The following SCUBE1 variants were observed in gnomAD, a reference collection of about 807,000 sequenced individuals.
SCUBE1 encodes signal peptide, CUB domain and EGF like domain containing 1.
SCUBE1 carries 59 observed loss-of-function variants against 124.4 expected under a neutral mutation model. The ratio of observed to expected loss-of-function variants is 0.47; its 90% confidence interval spans 0.38 to 0.59. SCUBE1 has a LOEUF of 0.59. Ranked by LOEUF, SCUBE1 falls within the 20% of genes least tolerant of loss-of-function variation. The pLI is 0.00. For missense variants in SCUBE1, 1,150 were observed against 1,371.2 expected, an observed-to-expected ratio of 0.84 and a Z score of 2.55; for synonymous variants, 545 against 550.9, an observed-to-expected ratio of 0.99 and a Z score of 0.15.
intron 6 of SCUBE1, among the ~76,000 whole-genome samples, chr22:43,244,227 C>T (rs889850039): frequency 6.6e-6 from 1 of 152,196 alleles, no homozygotes; most frequent in Non-Finnish European, 1.5e-5. Context: ...CCCCCTTGGC[C>T]TTGAATAACC....
At chr22:43,290,751 C>G (rs905992680) in intron 4 of SCUBE1, among the ~76,000 whole-genome samples, 1 of 152,222 alleles carries the variant, frequency 6.6e-6, no homozygotes. Context: ...CTCTTCCTGG[C>G]CACAGCCAGC....
intron 20 of SCUBE1, 128 bp downstream of exon 20, chr22:43,207,944 C>G (rs1015701524): frequency 1.9e-6 from 2 of 1,080,016 alleles, no homozygotes; most frequent in Non-Finnish European, 2.8e-6. Flanking sequence ...TGACAGTGTT[C>G]GTTCTGCTTC....
In SCUBE1 at chr22:43,202,346, C is replaced by G. The variant is rs1921039877; in HGVS notation, c.*1651G>C. ...TGGGCCCGGGGGTGACCAGGAGGAACCCTAGAGGCAACTTCGAGCTGAAGA... is the reference window on the plus strand; with the variant it reads ...TGGGCCCGGGGGTGACCAGGAGGAAGCCTAGAGGCAACTTCGAGCTGAAGA... On this transcript the variant is annotated 3_prime_UTR_variant, in exon 22 of 22. Coordinates refer to ENST00000360835, the MANE Select transcript of SCUBE1 (RefSeq NM_173050.5). 6.6e-6 allele frequency: 1 copy of G among 152,338 alleles called. No homozygotes were observed. The highest frequency in any genetic ancestry group is 1.9e-4 in the East Asian group (1 of 5,192). 9.4% of individuals were successfully genotyped at this position (152,338 alleles called of 1,614,324 possible).
chr22:43,238,790 G>T, intron 7 of SCUBE1, 48 bp downstream of exon 7: 3 of 1,481,498 alleles, frequency 2.0e-6, no homozygotes, highest in African/African-American at 1.4e-5. Context: ...GGAGGCTCTT[G>T]GCCAGGCCAG....
intron 4 of SCUBE1, 51 bp from the exon 5 acceptor site, chr22:43,262,896 G>T: frequency 6.3e-7 from 1 of 1,584,798 alleles, no homozygotes. Context: ...CAGAGAGGGA[G>T]AGAGAAAATT....
At chr22:43,298,817 C>T (rs1395469199) in intron 3 of SCUBE1, among the ~76,000 whole-genome samples, 1 of 152,166 alleles carries the variant, frequency 6.6e-6, no homozygotes, top group East Asian at 1.9e-4. Flanking sequence ...CTTTGGGAGG[C>T]TGAGGCGGGC....
At chr22:43,323,497 C>T (rs1601891256) in intron 2 of SCUBE1, among the ~76,000 whole-genome samples, 1 of 152,170 alleles carries the variant, frequency 6.6e-6, no homozygotes, top group African/African-American at 2.4e-5. Flanking sequence ...AATGTTCACC[C>T]ATACATCCAG....
chr22:43,268,574 CCA>C (rs1238675578), intron 4 of SCUBE1, among the ~76,000 whole-genome samples: 1 of 152,260 alleles, frequency 6.6e-6, no homozygotes, highest in African/African-American at 2.4e-5. Flanking sequence ...TGCTCTGCTG[CCA>C]CAGTGTCAGG....
At chr22:43,213,385 G>C (rs1420685700) in intron 16 of SCUBE1, 1 of 152,202 alleles carries the variant, frequency 6.6e-6, no homozygotes, top group Non-Finnish European at 1.5e-5. Flanking sequence ...GAGAAAGCTG[G>C]AGGTCTCCAG....
chr22:43,310,132 C>T (rs532213279), intron 3 of SCUBE1, among the ~76,000 whole-genome samples: 6 of 152,272 alleles, frequency 3.9e-5, no homozygotes, highest in African/African-American at 9.6e-5. Context: ...CGGCCCGCCT[C>T]GTTGCCTCAT....
chr22:43,249,221 G>A (rs1219277052), intron 6 of SCUBE1, among the ~76,000 whole-genome samples: 2 of 151,996 alleles, frequency 1.3e-5, no homozygotes, highest in Non-Finnish European at 2.9e-5. Context: ...GTGAATGTGC[G>A]GGGTGGGGAC....
intron 21 of SCUBE1, among the ~76,000 whole-genome samples, chr22:43,206,064 CCT>C (rs2146648623): frequency 6.9e-6 from 1 of 143,910 alleles, no homozygotes; most frequent in Non-Finnish European, 1.5e-5. Flanking sequence ...CACCACACAC[CCT>C]CACCTCCATC....
intron 21 of SCUBE1, among the ~76,000 whole-genome samples, chr22:43,207,197 C>CT (rs1252027935): frequency 6.6e-6 from 1 of 152,196 alleles, no homozygotes; most frequent in Non-Finnish European, 1.5e-5. Flanking sequence ...GTAGATCCCA[C>CT]TGATTCTGAG....
In SCUBE1 at chr22:43,203,030, AG is replaced by A. The variant is rs1921069107; in HGVS notation, c.*966del. 6.6e-6 allele frequency: 1 copy of A among 152,300 alleles called. No homozygotes were observed. The highest frequency in any genetic ancestry group is 2.4e-5 in the African/African-American group (1 of 41,462). The allele number at this position is 152,300 out of a possible 1,614,324, so 9.4% of individuals were successfully genotyped here. ...CCTCCTGGGAACGGGTCCGAGGGGA[AG>A]TGTCTTCCACTGAGTCTCGTCCAAG... On this transcript the variant is annotated 3_prime_UTR_variant, in exon 22 of 22. Coordinates refer to ENST00000360835, the MANE Select transcript of SCUBE1 (RefSeq NM_173050.5).
In SCUBE1 at chr22:43,200,621, C is replaced by T. The variant is rs1233510314; in HGVS notation, c.*3376G>A. On this transcript the variant is annotated 3_prime_UTR_variant, in exon 22 of 22. Coordinates refer to ENST00000360835, the MANE Select transcript of SCUBE1 (RefSeq NM_173050.5). ...GGTCAGCTGTAGTTTAACGGGGGACCCCCAAGTTCCCTGGTGTGAGACTGA... is the reference window on the plus strand; with the variant it reads ...GGTCAGCTGTAGTTTAACGGGGGACTCCCAAGTTCCCTGGTGTGAGACTGA... 1 of 152,340 alleles carries T rather than the reference C, an allele frequency of 6.6e-6. No homozygotes were observed. The highest frequency in any genetic ancestry group is 1.5e-5 in the Non-Finnish European group (1 of 68,122). The allele number at this position is 152,340 out of a possible 1,614,324, so 9.4% of individuals were successfully genotyped here.
chr22:43,281,451 CAT>C (rs1491423487), intron 4 of SCUBE1, among the ~76,000 whole-genome samples: 29 of 67,668 alleles, frequency 4.3e-4, no homozygotes, highest in South Asian at 1.1e-3. Flanking sequence ...ACCCTCCTGT[CAT>C]CTCCCTCAGC....
chr22:43,260,958 A>T (rs1923849754), intron 5 of SCUBE1, among the ~76,000 whole-genome samples: 1 of 152,180 alleles, frequency 6.6e-6, no homozygotes, highest in African/African-American at 2.4e-5. Flanking sequence ...GGGGTCAGGG[A>T]GCAAGCCGCC....
intron 7 of SCUBE1, among the ~76,000 whole-genome samples, chr22:43,232,808 T>C (rs1031246935): frequency 1.3e-5 from 2 of 152,202 alleles, no homozygotes; most frequent in East Asian, 1.9e-4. Context: ...CCCTGACCCC[T>C]GTGAGCCCCC....
chr22:43,223,271 G>C, intron 10 of SCUBE1, 55 bp from the exon 11 acceptor site: 1 of 1,527,652 alleles, frequency 6.5e-7, no homozygotes, highest in Non-Finnish European at 8.7e-7. Flanking sequence ...AGGCTTCCTG[G>C]AGCCAGGAGG....
Sources: gnomAD v4.1 joint callset for allele counts (sites outside exome capture counted in the v4.1 genomes callset) on GRCh38, gnomAD v4.1.1 for gene constraint, MANE v1.5 for transcripts, NCBI Gene and HGNC (gene_info 2026-07-23, HGNC 2026-07-21) for gene names.